The following STYXL1 variants were observed in gnomAD, a reference collection of about 807,000 sequenced individuals.
The protein encoded by STYXL1 is serine/threonine/tyrosine interacting like 1.
STYXL1 carries 32 observed loss-of-function variants against 36.4 expected under a neutral mutation model. The ratio of observed to expected loss-of-function variants is 0.88; its 90% CI spans 0.66 to 1.18. The LOEUF is 1.18. STYXL1 is among the 50% of genes most tolerant of loss of function. The pLI is 0.00. For synonymous variants in STYXL1, 133 were observed against 144.1 expected (o/e 0.92, Z 0.55); for missense variants, 354 against 394.1 (o/e 0.90, Z 0.86).
At chr7:76,038,616 C>T (rs911029712) in intron 1 of STYXL1, among the ~76,000 whole-genome samples, 3 of 151,390 alleles carry the variant, frequency 2.0e-5, no homozygotes, top group East Asian at 3.9e-4. Flanking sequence ...TTAGTAGAGA[C>T]GGGGTTTCAC....
chr7:76,003,590 C>T (rs995982301), intron 7 of STYXL1, 168 bp downstream of exon 7: 3 of 614,632 alleles, frequency 4.9e-6, no homozygotes, highest in Non-Finnish European at 8.5e-6. Context: ...AGAAGTTGGA[C>T]GTGTCCTGGA....
chr7:76,023,224 CA>C (rs1563498445), intron 3 of STYXL1, among the ~76,000 whole-genome samples: 2 of 152,128 alleles, frequency 1.3e-5, no homozygotes, highest in African/African-American at 4.8e-5. Flanking sequence ...AGGCTTAAGT[CA>C]CGAACCCCAG....
intron 3 of STYXL1, among the ~76,000 whole-genome samples, chr7:76,023,284 G>A (rs1794294397): frequency 6.6e-6 from 1 of 152,080 alleles, no homozygotes; most frequent in African/African-American, 2.4e-5. Context: ...GCTGGACAGA[G>A]ACACCTTTCT....
chr7:76,013,783 A>T lies in STYXL1; in HGVS notation c.412T>A (p.Tyr138Asn). The change falls in exon 5 of 9, where the codon TAC becomes AAC. Residue 138 changes from tyrosine to asparagine, a missense_variant. Transcript: ENST00000359697. ...KGGYERFSGT[Y>N]HFLRTQKIIW... ...ATCTTCTGGGTCCGGAGAAAGTGGT[A>T]CGTGCCTGAGAAGCGCTCATAGCCC... is the stretch of plus-strand genomic sequence containing the variant. 1 of 1,613,922 alleles carries T rather than the reference A, an allele frequency of 6.2e-7. No homozygotes were observed. The highest frequency in any genetic ancestry group is 8.5e-7 in the Non-Finnish European group (1 of 1,179,950).
At chr7:76,041,189 A>AT (rs1287484565) in intron 1 of STYXL1, among the ~76,000 whole-genome samples, 141 of 152,254 alleles carry the variant, frequency 9.3e-4, no homozygotes, top group South Asian at 1.9e-3. Context: ...AAAAAAAAAA[A>AT]AAAACTAAAT....
In STYXL1 at chr7:76,013,403, A is replaced by G. The variant is rs1182598294; in HGVS notation, c.453+339T>C. 4.7e-5 allele frequency among the ~76,000 whole-genome samples: 7 copies of G among 150,520 alleles called. No individual in the cohort carries two copies. The East Asian group carries it at 1.4e-3, about 29-fold the overall frequency. ...GAACTTAGGGCTGCCAGGAGTCCAGATCTAGTTTTTTTTTTGTTTGTTTTT... is the reference window on the plus strand; with the variant it reads ...GAACTTAGGGCTGCCAGGAGTCCAGGTCTAGTTTTTTTTTTGTTTGTTTTT... On this transcript the variant is annotated intron_variant, in intron 5 of 8. Coordinates refer to ENST00000359697, the MANE Select transcript of STYXL1 (RefSeq NM_001317785.2).
intron 3 of STYXL1, among the ~76,000 whole-genome samples, chr7:76,026,533 C>T (rs1794745015): frequency 6.6e-6 from 1 of 152,158 alleles, no homozygotes; most frequent in Non-Finnish European, 1.5e-5. Flanking sequence ...CCTCCTGCTT[C>T]GGCCAACCAA....
At chr7:76,030,902 T>C (rs1382753168) in intron 1 of STYXL1, among the ~76,000 whole-genome samples, 1 of 149,268 alleles carries the variant, frequency 6.7e-6, no homozygotes, top group African/African-American at 2.5e-5. Context: ...GGCTCACACC[T>C]GTAATCCCAG....
chr7:76,038,715 C>T lies in STYXL1; in HGVS notation c.-4-8188G>A, dbSNP rs552690560. Reference sequence around the variant, plus strand: ...TGCTGGGATTACAGGCGTGAGCCACCGTTGAATGACATTCTTGAGAATGGC... The same window carrying T: ...TGCTGGGATTACAGGCGTGAGCCACTGTTGAATGACATTCTTGAGAATGGC... On this transcript the variant is annotated intron_variant, in intron 1 of 8. Transcript: ENST00000359697. Among the ~76,000 whole-genome samples the T allele has an allele frequency of 2.6e-4, 36 of 138,764 alleles. No homozygotes were observed. The East Asian group carries it at 6.3e-3, about 24-fold the overall frequency. The allele number at this position is 138,764 out of a possible 152,430, so 91.0% of individuals were successfully genotyped here.
intron 8 of STYXL1, among the ~76,000 whole-genome samples, chr7:75,999,868 AT>A (rs531218617): frequency 7.0e-4 from 106 of 151,950 alleles, no homozygotes; most frequent in African/African-American, 2.5e-3. Context: ...TTTAACCACA[AT>A]TTTTTTTAAA....
intron 4 of STYXL1, among the ~76,000 whole-genome samples, chr7:76,016,329 T>A (rs778968385): frequency 6.6e-6 from 1 of 151,452 alleles, no homozygotes; most frequent in East Asian, 1.9e-4. Flanking sequence ...TCTATACATA[T>A]GTGTGTATAT....
rs1797037160 is a variant in STYXL1 at position 76,046,329 on chromosome 7, TGTGTGTGTGTGCGCGCGCGCGC to T, written c.-5+1311_-5+1332del. 2.1e-3 allele frequency among the ~76,000 whole-genome samples: 26 copies of T among 12,442 alleles called. 1 individual carries two copies. Among genetic ancestry groups the T allele is most frequent in the African/African-American group, 5.4e-3 (22 of 4,044 alleles). The allele number at this position is 12,442 out of a possible 152,430, so 8.2% of individuals were successfully genotyped here. Reference sequence around the variant, plus strand: ...GTGTGTGTGTGTGTGTGTGTGTGTGTGTGTGTGTGTGCGCGCGCGCGCGCGCGCGCTTTTGAGCCGGAGTTTA... The same window carrying T: ...GTGTGTGTGTGTGTGTGTGTGTGTGTGCGCGCGCTTTTGAGCCGGAGTTTA... On this transcript the variant is annotated intron_variant, in intron 1 of 8. Transcript: ENST00000359697.
At chr7:76,040,178 C>G (rs1335376135) in intron 1 of STYXL1, among the ~76,000 whole-genome samples, 2 of 152,186 alleles carry the variant, frequency 1.3e-5, no homozygotes, top group Non-Finnish European at 2.9e-5. Flanking sequence ...AACTACAGCA[C>G]AGTCTCCAAA....
At chr7:76,022,908 C>G (rs1027458841) in intron 3 of STYXL1, among the ~76,000 whole-genome samples, 1 of 152,070 alleles carries the variant, frequency 6.6e-6, no homozygotes, top group African/African-American at 2.4e-5. Flanking sequence ...GCCTGGGTAA[C>G]AGAGTGAGAC....
chr7:76,019,439 G>A (rs1180793926), intron 4 of STYXL1, among the ~76,000 whole-genome samples: 1 of 151,724 alleles, frequency 6.6e-6, no homozygotes, highest in Non-Finnish European at 1.5e-5. Context: ...TGGTGCTACA[G>A]GCATGCACCA....
intron 1 of STYXL1, among the ~76,000 whole-genome samples, chr7:76,039,278 GT>G (rs1796251693): frequency 1.3e-5 from 2 of 148,896 alleles, no homozygotes; most frequent in Non-Finnish European, 1.5e-5. Flanking sequence ...GTTCCACTAT[GT>G]TTTCCAGGCT....
In STYXL1 at chr7:76,047,854, G is replaced by A. The variant is rs1797343200; in HGVS notation, c.-197C>T. The A allele has an allele frequency of 7.0e-6, 9 of 1,291,384 alleles. No homozygotes were observed. Among genetic ancestry groups the A allele is most frequent in the Non-Finnish European group, 8.0e-6 (8 of 998,108 alleles). 80.0% of individuals were successfully genotyped at this position (1,291,384 alleles called of 1,614,324 possible). A position where few individuals can be genotyped will look rare whatever the true frequency, so the allele number is the denominator to read the frequency against. ...CTAAGGCGCTTCCAGCCTAAAGCCCGTCCTCTTCCACCTCTTGGGTGCAGA... is the reference window on the plus strand; with the variant it reads ...CTAAGGCGCTTCCAGCCTAAAGCCCATCCTCTTCCACCTCTTGGGTGCAGA... On this transcript the variant is annotated 5_prime_UTR_variant, in exon 1 of 9. It adds an upstream start codon to the 5' untranslated region. Transcript: ENST00000359697.
At chr7:76,043,494 G>T (rs1272928506) in intron 1 of STYXL1, among the ~76,000 whole-genome samples, 5 of 151,996 alleles carry the variant, frequency 3.3e-5, no homozygotes, top group African/African-American at 1.2e-4. Context: ...AGGGAAAATG[G>T]ACCAATGGCA....
chr7:76,015,277 C>T (rs1554573485), intron 4 of STYXL1, among the ~76,000 whole-genome samples: 1 of 152,082 alleles, frequency 6.6e-6, no homozygotes, highest in African/African-American at 2.4e-5. Flanking sequence ...AAAGGACTCC[C>T]ACTTATTGGT....
Sources: allele counts gnomAD v4.1 joint callset (sites outside exome capture counted in the v4.1 genomes callset), GRCh38; gene constraint gnomAD v4.1.1; transcripts MANE v1.5; gene names NCBI Gene and HGNC (gene_info 2026-07-23, HGNC 2026-07-21).